PDE8B: variants seen among roughly 807,000 people sequenced by gnomAD.
PDE8B encodes the protein phosphodiesterase 8B.
PDE8B carries 26 observed loss-of-function variants against 101.3 expected under a neutral mutation model. That is an observed-to-expected ratio of 0.26 (90% confidence interval 0.19 to 0.36). The LOEUF is 0.36. Among genes scored for constraint, PDE8B ranks in the 10% least tolerant of loss-of-function variants. The pLI, the probability that PDE8B is intolerant of heterozygous loss-of-function variation, is 1.00. For synonymous variants in PDE8B, 424 were observed against 429.3 expected (o/e 0.99, Z 0.15); for missense variants, 810 against 1,163.1 (o/e 0.70, Z 4.42).
chr5:77,217,335 A>G (rs1388637329), intron 1 of PDE8B, among the ~76,000 whole-genome samples: 1 of 151,932 alleles, frequency 6.6e-6, no homozygotes, highest in Non-Finnish European at 1.5e-5. Context: ...CCCACTTTCT[A>G]TAACCTTCTC....
chr5:77,297,279 C>T (rs1768807735), intron 1 of PDE8B, among the ~76,000 whole-genome samples: 4 of 152,182 alleles, frequency 2.6e-5, no homozygotes, highest in Admixed American at 2.6e-4. Context: ...AAAATGGCGA[C>T]TAAATTTCAA....
chr5:77,378,721 C>A (rs1581354997), intron 10 of PDE8B, among the ~76,000 whole-genome samples: 1 of 152,110 alleles, frequency 6.6e-6, no homozygotes, highest in African/African-American at 2.4e-5. Context: ...GGGGTGGGCC[C>A]CAGAACTAAA....
chr5:77,111,786 T>A, the PDE8B span: 1 of 152,204 alleles, frequency 6.6e-6, no homozygotes, highest in Non-Finnish European at 1.5e-5. Flanking sequence ...GCAGTGTCCC[T>A]AATCTTTTCA....
chr5:77,346,978 T>A lies in PDE8B; in HGVS notation c.876+2047T>A, dbSNP rs1780255304. On this transcript the variant is annotated intron_variant, in intron 7 of 21. Transcript: ENST00000264917. ...TCAAATAGTTAGATGCCTTTTTGAA[T>A]ACAAATCTTCAGAGGTCAAGTAGCA... 1.3e-5 allele frequency among the ~76,000 whole-genome samples: 2 copies of A among 152,220 alleles called. 1 individual carries two copies. The highest frequency in any genetic ancestry group is 4.1e-4 in the South Asian group (2 of 4,832).
chr5:77,263,096 G>A (rs1471198656), intron 1 of PDE8B, among the ~76,000 whole-genome samples: 2 of 152,132 alleles, frequency 1.3e-5, no homozygotes, highest in African/African-American at 4.8e-5. Flanking sequence ...AGTGTTATAA[G>A]GTTTCACCAA....
At chr5:77,340,421 A>G (rs1404363761) in intron 6 of PDE8B, among the ~76,000 whole-genome samples, 1 of 152,140 alleles carries the variant, frequency 6.6e-6, no homozygotes, top group Non-Finnish European at 1.5e-5. Flanking sequence ...ACCAGTCCCT[A>G]TTGCTTTATT....
At chr5:77,388,167 T>C (rs576687390) in intron 10 of PDE8B, among the ~76,000 whole-genome samples, 28 of 152,202 alleles carry the variant, frequency 1.8e-4, no homozygotes, top group Non-Finnish European at 2.5e-4. Flanking sequence ...TTCTGGTTTT[T>C]GGAATTTTCA....
chr5:77,428,205 C>T lies in PDE8B; in HGVS notation c.*1651C>T, dbSNP rs560061574. 6.6e-6 allele frequency: 1 copy of T among 152,270 alleles called. No individual in the cohort carries two copies. The highest frequency in any genetic ancestry group is 2.1e-4 in the South Asian group (1 of 4,824). The allele number at this position is 152,270 out of a possible 1,614,324, so 9.4% of individuals were successfully genotyped here. On this transcript the variant is annotated 3_prime_UTR_variant, in exon 22 of 22. Transcript: ENST00000264917. ...AATTCCTACAGCCATTTTTCACTCC[C>T]AACAGCTGTTTTTATTTTACCTCTT...
At chr5:77,136,503 C>T in the PDE8B span, among the ~76,000 whole-genome samples, 10 of 152,110 alleles carry the variant, frequency 6.6e-5, no homozygotes, top group Non-Finnish European at 1.3e-4. Flanking sequence ...GAAAAGGAGA[C>T]TGAATATTTA....
chr5:77,230,031 G>T (rs1458757079), intron 1 of PDE8B, among the ~76,000 whole-genome samples: 1 of 152,168 alleles, frequency 6.6e-6, no homozygotes, highest in Non-Finnish European at 1.5e-5. Flanking sequence ...CGAAGTGGCC[G>T]TACCAGTTTC....
At chr5:77,235,015 A>C (rs1011491583) in intron 1 of PDE8B, among the ~76,000 whole-genome samples, 7 of 152,034 alleles carry the variant, frequency 4.6e-5, no homozygotes, top group Non-Finnish European at 8.8e-5. Flanking sequence ...CTCACCCCCA[A>C]CCCATTAGGG....
At chr5:77,356,517 C>T (rs1421030856) in intron 10 of PDE8B, among the ~76,000 whole-genome samples, 1 of 152,204 alleles carries the variant, frequency 6.6e-6, no homozygotes, top group Non-Finnish European at 1.5e-5. Context: ...GCAACCTCCG[C>T]CTCCTGGGTT....
intron 5 of PDE8B, among the ~76,000 whole-genome samples, chr5:77,332,024 A>C (rs1278447552): frequency 6.6e-6 from 1 of 152,298 alleles, no homozygotes; most frequent in East Asian, 1.9e-4. Flanking sequence ...ACTCACTAAC[A>C]AACTAAATAA....
At chr5:77,118,850 T>C in the PDE8B span, 1 of 153,178 alleles carries the variant, frequency 6.5e-6, no homozygotes, top group African/African-American at 2.4e-5. Flanking sequence ...GGGGTGGGGA[T>C]GAGGTTAGGG....
chr5:77,162,380 C>A, the PDE8B span, among the ~76,000 whole-genome samples: 2 of 152,182 alleles, frequency 1.3e-5, no homozygotes, highest in Admixed American at 6.5e-5. Context: ...CAATCCCAAT[C>A]GAAACCTCTA....
At chr5:77,395,575 G>A (rs994132886) in intron 10 of PDE8B, among the ~76,000 whole-genome samples, 2 of 151,392 alleles carry the variant, frequency 1.3e-5, no homozygotes, top group Non-Finnish European at 2.9e-5. Context: ...TTGACTCTCC[G>A]TTTTGCCATT....
intron 1 of PDE8B, among the ~76,000 whole-genome samples, chr5:77,259,552 C>G (rs1760043799): frequency 6.6e-6 from 1 of 152,166 alleles, no homozygotes; most frequent in South Asian, 2.1e-4. Context: ...GCACATTGCT[C>G]CCTTGGGTAA....
At chr5:77,111,242 G>T in the PDE8B span, among the ~76,000 whole-genome samples, 1 of 152,018 alleles carries the variant, frequency 6.6e-6, no homozygotes, top group Non-Finnish European at 1.5e-5. Context: ...GGGAAGATGG[G>T]GCTCATTCAC....
chr5:77,422,495 G>A (rs914721627), intron 20 of PDE8B, among the ~76,000 whole-genome samples: 5 of 152,160 alleles, frequency 3.3e-5, no homozygotes, highest in Non-Finnish European at 5.9e-5. Flanking sequence ...TAAAAGGGGG[G>A]CTACAGAAAT....
Sources: gnomAD v4.1 joint callset for allele counts (sites outside exome capture counted in the v4.1 genomes callset) on GRCh38, gnomAD v4.1.1 for gene constraint, MANE v1.5 for transcripts, NCBI Gene and HGNC (gene_info 2026-07-23, HGNC 2026-07-21) for gene names.